Variants in ENG observed in about 807,000 individuals in gnomAD.
ENG encodes endoglin.
ENG carries 17 observed loss-of-function variants against 71.0 expected under a neutral mutation model. The observed-to-expected ratio is 0.24, with a 90% confidence interval of 0.16 to 0.36. ENG has a LOEUF of 0.36. ENG is among the 10% of genes least tolerant of loss of function. ENG has a pLI of 1.00. For synonymous variants in ENG, 360 were observed against 366.9 expected (o/e 0.98, Z 0.21); for missense variants, 749 against 868.3 (o/e 0.86, Z 1.73).
intron 13 of ENG, 151 bp downstream of exon 13, chr9:127,816,998 G>A: frequency 1.2e-6 from 1 of 856,086 alleles, no homozygotes; most frequent in Non-Finnish European, 1.9e-6. Flanking sequence ...TATGGCTCTG[G>A]GAAGCCCTCC....
chr9:127,854,564 G>A lies in ENG; in HGVS notation c.-209C>T, dbSNP rs1829101188. On this transcript the variant is annotated 5_prime_UTR_variant, in exon 1 of 15. Transcript: ENST00000373203. ...GACGCGGGGCTGGGCTGGAGTTGCTGTCCGAAGGATGGGCGGGGAGGGGGT... is the reference window on the plus strand; with the variant it reads ...GACGCGGGGCTGGGCTGGAGTTGCTATCCGAAGGATGGGCGGGGAGGGGGT... 3.5e-6 allele frequency: 2 copies of A among 577,154 alleles called. No individual in the cohort carries two copies. The allele number at this position is 577,154 out of a possible 1,614,324, so 35.8% of individuals were successfully genotyped here.
At position 127,836,217 on chromosome 9, in the gene ENG, C is replaced by T. The variant is rs1830899884; in HGVS notation, c.220-6390G>A. ...TTGCCCCCAACCCCAAGCTCCCAGC[C>T]TTCCTCATGGGACCCTGGGAATTCC... On this transcript the variant is annotated intron_variant, in intron 2 of 14. Transcript: ENST00000373203. The surrounding 1 kb of genome is among the most constrained non-coding windows in gnomAD (Gnocchi z 4.0). Among the ~76,000 whole-genome samples, 1 of 152,344 alleles carries T rather than the reference C, an allele frequency of 6.6e-6. No homozygotes were observed. The highest frequency in any genetic ancestry group is 3.4e-3 in the Middle Eastern group (1 of 294).
At chr9:127,816,898 G>A in intron 13 of ENG, 1 of 578,924 alleles carries the variant, frequency 1.7e-6, no homozygotes, top group Admixed American at 3.0e-5. Context: ...CGTGAGTGGG[G>A]GCAGAGGCCT....
Position 127,846,578 on chromosome 9 carries a change from G to A in ENG, c.68-3333C>T, listed in dbSNP as rs1831173832. ...GAGAGGCCACAAGCCTGGCCATTAT[G>A]TAATGATCAGATAACAGGCCTGGCG... On this transcript the variant is annotated intron_variant, in intron 1 of 14. Coordinates refer to ENST00000373203, the MANE Select transcript of ENG (RefSeq NM_001114753.3). The surrounding 1 kb of genome is among the most constrained non-coding windows in gnomAD (Gnocchi z 5.5). Among the ~76,000 whole-genome samples, 1 of 152,198 alleles carries A rather than the reference G, an allele frequency of 6.6e-6. No individual in the cohort carries two copies. The highest frequency in any genetic ancestry group is 2.4e-5 in the African/African-American group (1 of 41,444).
intron 6 of ENG, 107 bp from the exon 7 acceptor site, chr9:127,825,081 GCTGCGTCTT>G: frequency 6.3e-7 from 1 of 1,584,154 alleles, no homozygotes; most frequent in Non-Finnish European, 8.6e-7. Flanking sequence ...CCCCACTCCT[GCTGCGTCTT>G]CTGCCTGGCC....
At chr9:127,849,115 C>T (rs1408805996) in intron 1 of ENG, among the ~76,000 whole-genome samples, 6 of 152,162 alleles carry the variant, frequency 3.9e-5, no homozygotes, top group Admixed American at 3.9e-4. Flanking sequence ...ACTACTCACC[C>T]CGCCACTCTG....
intron 2 of ENG, among the ~76,000 whole-genome samples, chr9:127,842,124 G>A (rs555812717): frequency 3.9e-5 from 6 of 152,292 alleles, no homozygotes; most frequent in South Asian, 4.2e-4. Flanking sequence ...TCTCCAGGCC[G>A]GCAGCAGCCT....
At position 127,836,645 on chromosome 9, in the gene ENG, G is replaced by A. The variant is rs2417056; in HGVS notation, c.219+6449C>T. Among the ~76,000 whole-genome samples the A allele has an allele frequency of 0.18, 26,970 of 152,250 alleles. 3,975 individuals are homozygous for A. Among genetic ancestry groups the A allele is most frequent in the African/African-American group, 0.41 (16,828 of 41,502 alleles). ...CAGATGGGGGCTCAGTCATTAGCCT[G>A]TGACCTTGGACAGTCACTATGCCTC... is the stretch of plus-strand genomic sequence containing the variant. On this transcript the variant is annotated intron_variant, in intron 2 of 14. Transcript: ENST00000373203. This position sits in a 1 kb window ranked among gnomAD's most constrained non-coding sequence, Gnocchi z 4.0.
At chr9:127,820,773 G>A (rs1402976978) in intron 8 of ENG, among the ~76,000 whole-genome samples, 1 of 151,540 alleles carries the variant, frequency 6.6e-6, no homozygotes, top group Admixed American at 6.6e-5. Flanking sequence ...AGTTTGCAGT[G>A]AGCCGAGATC....
intron 13 of ENG, chr9:127,816,292 G>A (rs1294108631): frequency 1.7e-5 from 10 of 588,486 alleles, no homozygotes; most frequent in East Asian, 1.2e-4. Context: ...TCATGCCTCT[G>A]CCCCTCAAGG....
intron 13 of ENG, chr9:127,816,822 T>C (rs898816134): frequency 6.7e-6 from 3 of 448,436 alleles, no homozygotes; most frequent in Non-Finnish European, 1.2e-5. Context: ...AAAGGGCCTC[T>C]GTCTCACCCA....
chr9:127,816,143 G>T, intron 13 of ENG, 90 bp from the exon 14 acceptor site: 1 of 1,490,660 alleles, frequency 6.7e-7, no homozygotes, highest in Middle Eastern at 2.3e-4. Context: ...TTTGGTGCCA[G>T]CTCTGCTCAG....
intron 1 of ENG, among the ~76,000 whole-genome samples, chr9:127,852,228 G>A (rs2131933383): frequency 6.6e-6 from 1 of 152,294 alleles, no homozygotes; most frequent in African/African-American, 2.4e-5. Context: ...TACAGAGTTG[G>A]ACGAATAACT....
intron 10 of ENG, 87 bp from the exon 11 acceptor site, chr9:127,818,919 C>A: frequency 8.7e-7 from 1 of 1,155,170 alleles, no homozygotes; most frequent in Non-Finnish European, 1.3e-6. Flanking sequence ...GCATCATGGC[C>A]CTGTGGAGTT....
Position 127,815,330 on chromosome 9 carries a change from A to C in ENG, c.*352T>G. On this transcript the variant is annotated 3_prime_UTR_variant, in exon 15 of 15. Coordinates refer to ENST00000373203, the MANE Select transcript of ENG (RefSeq NM_001114753.3). ...TGTTGGCCTGGCTGGGCTGGCCTGA[A>C]TCTGTTTCAAGTTCTCCCTTCCTGC... 7.6e-6 allele frequency: 2 copies of C among 262,134 alleles called. No individual in the cohort carries two copies. The highest frequency in any genetic ancestry group is 7.3e-6 in the Non-Finnish European group (1 of 137,164). 16.2% of individuals were successfully genotyped at this position (262,134 alleles called of 1,614,324 possible).
Position 127,836,157 on chromosome 9 carries a change from G to A in ENG, c.220-6330C>T, listed in dbSNP as rs371083107. On this transcript the variant is annotated intron_variant, in intron 2 of 14. Transcript: ENST00000373203. The surrounding 1 kb of genome is among the most constrained non-coding windows in gnomAD (Gnocchi z 4.0). Reference sequence around the variant, plus strand: ...CCGACTTCCCCCTTCTCTCCCGGCCGGGGGCCCCAGAGGCAAAAAACGATG... The same window carrying A: ...CCGACTTCCCCCTTCTCTCCCGGCCAGGGGCCCCAGAGGCAAAAAACGATG... Among the ~76,000 whole-genome samples, 13 of 152,142 alleles carry A rather than the reference G, an allele frequency of 8.5e-5. No homozygotes were observed. Among genetic ancestry groups the A allele is most frequent in the African/African-American group, 1.9e-4 (8 of 41,424 alleles).
chr9:127,854,642 G>C lies in ENG; in HGVS notation c.-287C>G. 1 of 507,530 alleles carries C rather than the reference G, an allele frequency of 2.0e-6. No individual in the cohort carries two copies. The highest frequency in any genetic ancestry group is 3.5e-6 in the Non-Finnish European group (1 of 287,866). The allele number at this position is 507,530 out of a possible 1,614,324, so 31.4% of individuals were successfully genotyped here. ...GCAGCAGTCCTGGCCCCAGGGCGCAGATGAAGGCTGTGGTATGACCGGCAG... is the reference window on the plus strand; with the variant it reads ...GCAGCAGTCCTGGCCCCAGGGCGCACATGAAGGCTGTGGTATGACCGGCAG... On this transcript the variant is annotated 5_prime_UTR_variant, in exon 1 of 15. In the 5' UTR this introduces an upstream ATG that the reference lacks. Coordinates refer to ENST00000373203, the MANE Select transcript of ENG (RefSeq NM_001114753.3).
chr9:127,839,756 A>G (rs1037249531), intron 2 of ENG, among the ~76,000 whole-genome samples: 4 of 152,092 alleles, frequency 2.6e-5, no homozygotes, highest in African/African-American at 7.2e-5. Flanking sequence ...CGGTTTCGCC[A>G]TGTTGGCCAG....
rs1830278138 is a variant in ENG, at chr9:127,815,324, G to T, written c.*358C>A. 9 of 258,360 alleles carry T rather than the reference G, an allele frequency of 3.5e-5. No individual in the cohort carries two copies. The South Asian group carries it at 5.7e-4, about 16-fold the overall frequency. 16.0% of individuals were successfully genotyped at this position (258,360 alleles called of 1,614,324 possible). Reference sequence around the variant, plus strand: ...AGGTGCTGTTGGCCTGGCTGGGCTGGCCTGAATCTGTTTCAAGTTCTCCCT... The same window carrying T: ...AGGTGCTGTTGGCCTGGCTGGGCTGTCCTGAATCTGTTTCAAGTTCTCCCT... On this transcript the variant is annotated 3_prime_UTR_variant, in exon 15 of 15. Coordinates refer to ENST00000373203, the MANE Select transcript of ENG (RefSeq NM_001114753.3).
Sources: allele counts gnomAD v4.1 joint callset (sites outside exome capture counted in the v4.1 genomes callset), GRCh38; gene constraint gnomAD v4.1.1; non-coding constraint Gnocchi (gnomAD v3.1); transcripts MANE v1.5; gene names NCBI Gene and HGNC (gene_info 2026-07-23, HGNC 2026-07-21).